Variants in FASTKD2 observed in about 807,000 individuals in gnomAD.
FASTKD2 encodes FAST kinase domains 2.
Under a neutral mutation model 63.6 loss-of-function variants are expected in FASTKD2, and 51 were observed. The observed-to-expected ratio is 0.80, with a 90% CI of 0.64 to 1.01. The LOEUF (loss-of-function observed/expected upper bound fraction) is 1.01. Among genes scored for constraint, FASTKD2 ranks in the 50% least tolerant of loss-of-function variants. The pLI is 0.00. For synonymous variants in FASTKD2, 284 were observed against 293.4 expected (o/e 0.97, Z 0.33); for missense variants, 786 against 831.1 (o/e 0.95, Z 0.67).
Position 206,770,161 on chromosome 2 carries a change from G to A in FASTKD2, c.848G>A (p.Cys283Tyr). Reference protein sequence around the residue: ...LSTVLEAMEPCKNVHVLRTGF... With the variant: ...LSTVLEAMEPYKNVHVLRTGF... ...ACTGTTTTAGAGGCAATGGAACCAT[G>A]CAAGAATGTTCATGTTCTACGAACG... Residue 283 changes from cysteine to tyrosine, a missense_variant, in exon 3 of 12, where the codon TGC becomes TAC. Coordinates refer to ENST00000402774, the MANE Select transcript of FASTKD2 (RefSeq NM_001136193.2). The A allele has an allele frequency of 2.5e-6, 4 of 1,610,642 alleles. No homozygotes were observed. Among genetic ancestry groups the A allele is most frequent in the Non-Finnish European group, 3.4e-6 (4 of 1,176,828 alleles).
In FASTKD2 at chr2:206,791,853, T is replaced by C. The variant is rs1690295687; in HGVS notation, c.*51T>C. On this transcript the variant is annotated 3_prime_UTR_variant, in exon 12 of 12. Transcript: ENST00000402774. ...GGAGACATGCATTTGTAAAAATTAA[T>C]AAAGATGACAAGTCAGTTGTCAATG... 1 of 1,554,642 alleles carries C rather than the reference T, an allele frequency of 6.4e-7. No individual in the cohort carries two copies. The highest frequency in any genetic ancestry group is 1.1e-5 in the South Asian group (1 of 89,268).
At position 206,766,699 on chromosome 2, in the gene FASTKD2, G is replaced by A. The variant is rs201275973; in HGVS notation, c.6G>A (p.Leu2=). The change falls in exon 2 of 12, where the codon TTG becomes TTA. Residue 2 remains leucine, a synonymous_variant. Transcript: ENST00000402774. The stretch of plus-strand genomic sequence containing the variant: ...GTAGAAGTGACGTTGGTTTCATGTT[G>A]ACAACTTTGAAGCCATTTGGAAGTG... The part of the protein sequence containing the change: M[L]TTLKPFGSVS... 1 of 1,613,964 alleles carries A rather than the reference G, an allele frequency of 6.2e-7. No individual in the cohort carries two copies. The highest frequency in any genetic ancestry group is 2.2e-5 in the East Asian group (1 of 44,858).
intron 2 of FASTKD2, among the ~76,000 whole-genome samples, chr2:206,768,621 G>A (rs984596256): frequency 2.6e-5 from 4 of 152,154 alleles, no homozygotes; most frequent in Non-Finnish European, 5.9e-5. Flanking sequence ...TATCACTTGA[G>A]CCTGGGAGGT....
chr2:206,775,438 A>G (rs1463689661), intron 7 of FASTKD2, among the ~76,000 whole-genome samples: 2 of 151,930 alleles, frequency 1.3e-5, no homozygotes, highest in Non-Finnish European at 2.9e-5. Context: ...CCATCCTGGC[A>G]TCCCAGGGAT....
At chr2:206,770,540 G>A (rs931085070) in intron 3 of FASTKD2, among the ~76,000 whole-genome samples, 2 of 152,128 alleles carry the variant, frequency 1.3e-5, no homozygotes, top group East Asian at 1.9e-4. Context: ...TCGGGAGATC[G>A]AGACCATGGT....
At chr2:206,786,547 G>C (rs184537444) in intron 7 of FASTKD2, 186 bp from the exon 8 acceptor site, 67 of 609,228 alleles carry the variant, frequency 1.1e-4, no homozygotes, top group African/African-American at 8.7e-4. Context: ...TGTTTGTCTC[G>C]TGCAAGACAT....
At position 206,790,627 on chromosome 2, in the gene FASTKD2, A is replaced by G. The variant is rs1478844702; in HGVS notation, c.1954A>G (p.Arg652Gly). Residue 652 changes from arginine (R) to glycine (G), a missense_variant, in exon 11 of 12, where the codon AGA becomes GGA. Physicochemically the swap from Arg to Gly is moderately radical, Grantham distance 125 (BLOSUM62 -2). Coordinates refer to ENST00000402774, the MANE Select transcript of FASTKD2 (RefSeq NM_001136193.2). ...TTATTGTTTGGGTTCAAGCCACCCC[A>G]GAGGATTCCTTGCTATGAAAATGCG... ...SAYCLGSSHP[R>G]GFLAMKMRHL... 3.1e-6 allele frequency: 5 copies of G among 1,613,516 alleles called. No individual in the cohort carries two copies. Among genetic ancestry groups the G allele is most frequent in the Non-Finnish European group, 3.4e-6 (4 of 1,179,550 alleles).
At chr2:206,771,311 T>G in intron 4 of FASTKD2, 21 bp downstream of exon 4, 47 of 1,379,166 alleles carry the variant, frequency 3.4e-5, no homozygotes, top group Non-Finnish European at 4.5e-5. Flanking sequence ...GAATTTTCTC[T>G]AGTGGATGAG....
chr2:206,774,386 C>T lies in FASTKD2; in HGVS notation c.1416C>T (p.Cys472=). 1 of 1,595,574 alleles carries T rather than the reference C, an allele frequency of 6.3e-7. No individual in the cohort carries two copies. Among genetic ancestry groups the T allele is most frequent in the Non-Finnish European group, 8.6e-7 (1 of 1,165,734 alleles). ...CTTCTCTCAATCATGTCTACAAATGCCAGAACAAAGAGTATGTACTTGTTT... is the reference window on the plus strand; with the variant it reads ...CTTCTCTCAATCATGTCTACAAATGTCAGAACAAAGAGTATGTACTTGTTT... ...TYSSLNHVYK[C]QNKEQFVEVM... is the part of the protein sequence containing the mutation. The change falls in exon 7 of 12, where the codon TGC becomes TGT. Residue 472 remains cysteine (C), a synonymous_variant. Transcript: ENST00000402774.
At chr2:206,791,631 C>G in intron 11 of FASTKD2, 52 bp from the exon 12 acceptor site, 2 of 1,578,372 alleles carry the variant, frequency 1.3e-6, no homozygotes, top group South Asian at 2.2e-5. Flanking sequence ...TAAACTAGCT[C>G]TTTTGTTAGT....
At chr2:206,781,825 C>T (rs1199431623) in intron 7 of FASTKD2, among the ~76,000 whole-genome samples, 1 of 151,912 alleles carries the variant, frequency 6.6e-6, no homozygotes, top group Non-Finnish European at 1.5e-5. Flanking sequence ...AGCCACTGAC[C>T]CCTTTTTTTC....
chr2:206,769,771 CAAG>C (rs1380860485), intron 2 of FASTKD2, among the ~76,000 whole-genome samples: 2 of 152,086 alleles, frequency 1.3e-5, no homozygotes, highest in Non-Finnish European at 2.9e-5. Flanking sequence ...CCTTGAATTC[CAAG>C]AAGAGGTAAA....
In FASTKD2 at chr2:206,766,732, G is replaced by A. The variant is rs1466138482; in HGVS notation, c.39G>A (p.Val13=). 6.2e-7 allele frequency: 1 copy of A among 1,614,070 alleles called. No individual in the cohort carries two copies. Among genetic ancestry groups the A allele is most frequent in the Admixed American group, 1.7e-5 (1 of 60,004 alleles). ...TGAAGCCATTTGGAAGTGTTTCAGT[G>A]GAGAGCAAAATGAATAACAAAGCGG... ...TTLKPFGSVS[V]ESKMNNKAGS... Residue 13 remains valine, a synonymous_variant, in exon 2 of 12, where the codon GTG becomes GTA. Transcript: ENST00000402774.
chr2:206,771,403 A>G (rs1156339749), intron 4 of FASTKD2, 113 bp downstream of exon 4: 3 of 713,212 alleles, frequency 4.2e-6, no homozygotes, highest in South Asian at 1.5e-5. Context: ...TTTTAGGTTT[A>G]GCTTCACTAA....
intron 8 of FASTKD2, 52 bp from the exon 9 acceptor site, chr2:206,787,885 T>G (rs1377564959): frequency 2.1e-6 from 2 of 970,812 alleles, no homozygotes; most frequent in Admixed American, 3.5e-5. Context: ...TATAGTTTTT[T>G]AATGTTGCAT....
chr2:206,777,053 T>C (rs1434308384), intron 7 of FASTKD2, among the ~76,000 whole-genome samples: 1 of 152,156 alleles, frequency 6.6e-6, no homozygotes, highest in African/African-American at 2.4e-5. Context: ...TTTGATACTA[T>C]TATAAACAAG....
intron 7 of FASTKD2, among the ~76,000 whole-genome samples, chr2:206,780,708 CT>C (rs1336325645): frequency 2.0e-5 from 3 of 152,048 alleles, no homozygotes; most frequent in African/African-American, 7.2e-5. Flanking sequence ...CTTTCAGCTC[CT>C]TTTTTTCTTC....
chr2:206,768,493 G>A (rs1408862904), intron 2 of FASTKD2, among the ~76,000 whole-genome samples: 1 of 152,152 alleles, frequency 6.6e-6, no homozygotes, highest in Non-Finnish European at 1.5e-5. Flanking sequence ...TTGAGCCCAG[G>A]AGTTTGCGAC....
intron 7 of FASTKD2, among the ~76,000 whole-genome samples, chr2:206,778,887 A>T (rs1227034296): frequency 6.6e-6 from 1 of 152,152 alleles, no homozygotes; most frequent in Non-Finnish European, 1.5e-5. Context: ...CTAATGCCTT[A>T]TGAAACACCC....
Sources: allele counts gnomAD v4.1 joint callset (sites outside exome capture counted in the v4.1 genomes callset), GRCh38; gene constraint gnomAD v4.1.1; transcripts MANE v1.5; gene names NCBI Gene and HGNC (gene_info 2026-07-23, HGNC 2026-07-21).